Variants in DIP2B observed in about 807,000 individuals in gnomAD.
DIP2B encodes the protein disco-interacting protein 2 homolog B.
In DIP2B, 76 loss-of-function variants were observed where a neutral mutation model predicts 198.0. The observed-to-expected ratio is 0.38, with a 90% CI of 0.32 to 0.46. The LOEUF (loss-of-function observed/expected upper bound fraction) is 0.46. Among genes scored for constraint, DIP2B ranks in the 20% least tolerant of loss-of-function variants. The pLI is 0.99. For synonymous variants in DIP2B, 701 were observed against 739.1 expected (o/e 0.95, Z 0.84); for missense variants, 1,559 against 1,978.4 (o/e 0.79, Z 4.02).
intron 1 of DIP2B, among the ~76,000 whole-genome samples, chr12:50,526,626 CTTTTTTTTTTTTT>C (rs11423846): frequency 1.6e-5 from 1 of 64,194 alleles, no homozygotes; most frequent in African/African-American, 7.0e-5. Flanking sequence ...TTTCCTCTGC[CTTTTTTTTTTTTT>C]TTTTTTTTTT....
chr12:50,655,766 G>A (rs2139506409), intron 3 of DIP2B, among the ~76,000 whole-genome samples: 1 of 152,350 alleles, frequency 6.6e-6, no homozygotes, highest in South Asian at 2.1e-4. Context: ...GATTGCTTGA[G>A]CCCAGGAATT....
chr12:50,571,467 C>T (rs994201137), intron 1 of DIP2B, among the ~76,000 whole-genome samples: 1 of 151,980 alleles, frequency 6.6e-6, no homozygotes, highest in Admixed American at 6.6e-5. Flanking sequence ...GCCACCACAC[C>T]CCGCCTATTG....
intron 17 of DIP2B, 37 bp from the exon 18 acceptor site, chr12:50,698,291 A>G: frequency 6.3e-7 from 1 of 1,586,428 alleles, no homozygotes; most frequent in Non-Finnish European, 8.6e-7. Flanking sequence ...CCTTGATGTT[A>G]TTTCATTCAC....
chr12:50,654,063 G>A (rs1306249980), intron 3 of DIP2B, among the ~76,000 whole-genome samples: 1 of 151,788 alleles, frequency 6.6e-6, no homozygotes, highest in Non-Finnish European at 1.5e-5. Flanking sequence ...TAGTAGAGAC[G>A]GGGTTTTACC....
In DIP2B at chr12:50,559,343, A is replaced by G. The variant is rs549962137; in HGVS notation, c.100+54103A>G. On this transcript the variant is annotated intron_variant, in intron 1 of 37. Transcript: ENST00000301180. ...TTTTTTTTTTTTTTGCTGGGCTGGC[A>G]TAACAAAATAATGACGTTTAAAAGA... is the stretch of plus-strand genomic sequence containing the variant. 2.1e-5 allele frequency among the ~76,000 whole-genome samples: 3 copies of G among 140,230 alleles called. No homozygotes were observed. In the Admixed American group the frequency reaches 2.3e-4, roughly 11 times the overall value. 92.0% of individuals were successfully genotyped at this position (140,230 alleles called of 152,430 possible). A position where few individuals can be genotyped will look rare whatever the true frequency, so the allele number is the denominator to read the frequency against.
At chr12:50,717,511 A>G (rs1223789363) in intron 23 of DIP2B, among the ~76,000 whole-genome samples, 1 of 150,932 alleles carries the variant, frequency 6.6e-6, no homozygotes, top group South Asian at 2.1e-4. Flanking sequence ...GACTACAGGC[A>G]CCCGCCACCA....
Position 50,655,163 on chromosome 12 carries a change from C to T in DIP2B, c.302-5031C>T, listed in dbSNP as rs1400663758. 1.0e-5 allele frequency: 3 copies of T among 296,676 alleles called. No individual in the cohort carries two copies. The Admixed American group carries it at 1.1e-4, about 11-fold the overall frequency. 18.4% of individuals were successfully genotyped at this position (296,676 alleles called of 1,614,324 possible). A position where few individuals can be genotyped will look rare whatever the true frequency, so the allele number is the denominator to read the frequency against. ...GGATAATAGTTGAATAAACTGTGTA[C>T]AGTAGTGTACTATACAGCTGTAAAA... On this transcript the variant is annotated intron_variant, in intron 3 of 37. Coordinates refer to ENST00000301180, the MANE Select transcript of DIP2B (RefSeq NM_173602.3).
At chr12:50,741,711 C>T (rs990972345) in intron 37 of DIP2B, among the ~76,000 whole-genome samples, 172 bp downstream of exon 37, 2 of 152,172 alleles carry the variant, frequency 1.3e-5, no homozygotes, top group African/African-American at 2.4e-5. Flanking sequence ...CTGTGGCCAA[C>T]AAAGCCTATC....
intron 36 of DIP2B, 111 bp downstream of exon 36, chr12:50,739,697 G>A (rs1163344573): frequency 1.0e-5 from 13 of 1,304,572 alleles, no homozygotes; most frequent in African/African-American, 1.5e-5. Flanking sequence ...TACTCCCTTC[G>A]GTGACTCTTA....
At chr12:50,671,789 A>G (rs1938859571) in intron 5 of DIP2B, among the ~76,000 whole-genome samples, 1 of 152,240 alleles carries the variant, frequency 6.6e-6, no homozygotes, top group Non-Finnish European at 1.5e-5. Flanking sequence ...CAAAAACACT[A>G]AACCTGAGCA....
intron 3 of DIP2B, among the ~76,000 whole-genome samples, chr12:50,641,079 G>C (rs1938249010): frequency 1.3e-5 from 2 of 152,170 alleles, no homozygotes; most frequent in South Asian, 4.1e-4. Context: ...GTTTCCGGCT[G>C]GGCGATGTGG....
intron 1 of DIP2B, among the ~76,000 whole-genome samples, chr12:50,582,490 T>G (rs1197834635): frequency 6.6e-6 from 1 of 151,984 alleles, no homozygotes; most frequent in Non-Finnish European, 1.5e-5. Context: ...GGAAGCAGAG[T>G]AGAATTCTAT....
intron 1 of DIP2B, among the ~76,000 whole-genome samples, chr12:50,569,990 C>A (rs1030151540): frequency 6.6e-6 from 1 of 152,190 alleles, no homozygotes. Flanking sequence ...ACTCAGAAAT[C>A]TTTTGCAGTT....
At chr12:50,635,051 A>G (rs749606164) in intron 2 of DIP2B, among the ~76,000 whole-genome samples, 1 of 152,244 alleles carries the variant, frequency 6.6e-6, no homozygotes, top group Non-Finnish European at 1.5e-5. Context: ...CTCAAATGAT[A>G]TTCTAGCATT....
chr12:50,724,712 G>GGCCT, intron 27 of DIP2B, 63 bp from the exon 28 acceptor site: 1 of 1,456,204 alleles, frequency 6.9e-7, no homozygotes, highest in Non-Finnish European at 9.6e-7. Context: ...CAGCAGCCAG[G>GGCCT]GCCTGTGGTG....
At chr12:50,628,557 C>G (rs1937981093) in intron 2 of DIP2B, among the ~76,000 whole-genome samples, 2 of 152,160 alleles carry the variant, frequency 1.3e-5, no homozygotes, top group African/African-American at 2.4e-5. Context: ...GTCCTCATCT[C>G]TATCGTACAG....
At chr12:50,743,044 C>G (rs1940281694) in intron 37 of DIP2B, among the ~76,000 whole-genome samples, 1 of 152,162 alleles carries the variant, frequency 6.6e-6, no homozygotes, top group Admixed American at 6.5e-5. Flanking sequence ...ACATTTGACT[C>G]TTAATGGAAC....
chr12:50,709,531 G>A (rs1450946636), intron 22 of DIP2B, among the ~76,000 whole-genome samples: 1 of 151,936 alleles, frequency 6.6e-6, no homozygotes, highest in Non-Finnish European at 1.5e-5. Context: ...CCAGCTACTC[G>A]GGAGGCTGAG....
intron 1 of DIP2B, among the ~76,000 whole-genome samples, chr12:50,622,901 C>T (rs770572335): frequency 1.3e-5 from 2 of 151,904 alleles, no homozygotes; most frequent in African/African-American, 4.8e-5. Flanking sequence ...CGTGAGCCAC[C>T]TTGCCCAGCT....
Sources: gnomAD v4.1 joint callset for allele counts (sites outside exome capture counted in the v4.1 genomes callset) on GRCh38, gnomAD v4.1.1 for gene constraint, MANE v1.5 for transcripts, NCBI Gene and HGNC (gene_info 2026-07-23, HGNC 2026-07-21) for gene names.